Variants in SCUBE1 observed in about 807,000 individuals in gnomAD.
SCUBE1 encodes signal peptide, CUB and EGF-like domain-containing protein 1.
In SCUBE1, 59 loss-of-function variants were observed where a neutral mutation model predicts 124.4. That is an observed-to-expected ratio of 0.47 (90% CI 0.38 to 0.59). The LOEUF (loss-of-function observed/expected upper bound fraction) is 0.59, where lower values mean the gene tolerates loss of function less well. Among genes scored for constraint, SCUBE1 ranks in the 20% least tolerant of loss-of-function variants. The probability of loss-of-function intolerance (pLI) is 0.00; values close to 1 mark genes in which losing one functional copy is unlikely to be tolerated. For missense variants in SCUBE1, 1,150 were observed against 1,371.2 expected (o/e 0.84, Z 2.55); for synonymous variants, 545 against 550.9 (o/e 0.99, Z 0.15).
At chr22:43,339,296 T>C in intron 1 of SCUBE1, 61 bp from the exon 2 acceptor site, 1 of 1,557,282 alleles carries the variant, frequency 6.4e-7, no homozygotes, top group African/African-American at 1.4e-5. Context: ...AGGTGGCCGA[T>C]AGTGTAGGGC....
At position 43,343,138 on chromosome 22, in the gene SCUBE1, C is replaced by T. The variant is rs574217386; in HGVS notation, c.88+36G>A. 3.4e-5 allele frequency: 37 copies of T among 1,088,784 alleles called. No homozygotes were observed. The South Asian group carries it at 1.5e-3, about 45-fold the overall frequency. The allele number at this position is 1,088,784 out of a possible 1,614,324, so 67.4% of individuals were successfully genotyped here. A position where few individuals can be genotyped will look rare whatever the true frequency, so the allele number is the denominator to read the frequency against. On this transcript the variant is annotated intron_variant, in intron 1 of 21. Transcript: ENST00000360835. Reference sequence around the variant, plus strand: ...CCGCGCCTCGGCCGCCCGAGCCCCCCGCGCCCGCCGCCCCCCACCTCGGTC... The same window carrying T: ...CCGCGCCTCGGCCGCCCGAGCCCCCTGCGCCCGCCGCCCCCCACCTCGGTC...
chr22:43,340,572 A>T (rs768006476), intron 1 of SCUBE1, among the ~76,000 whole-genome samples: 2 of 151,804 alleles, frequency 1.3e-5, no homozygotes, highest in Non-Finnish European at 2.9e-5. Flanking sequence ...TGTCGGGCAC[A>T]GTTCAGCACA....
chr22:43,224,686 T>C (rs1922233954), intron 10 of SCUBE1, among the ~76,000 whole-genome samples: 1 of 152,144 alleles, frequency 6.6e-6, no homozygotes, highest in African/African-American at 2.4e-5. Context: ...GGAGGCCCCT[T>C]TGTTTTCTCC....
intron 1 of SCUBE1, among the ~76,000 whole-genome samples, chr22:43,342,260 A>AGGGTGGGG (rs1927343278): frequency 2.5e-4 from 1 of 3,984 alleles, no homozygotes; most frequent in Non-Finnish European, 7.3e-4. Flanking sequence ...ACCGGGTGGG[A>AGGGTGGGG]GGGTGGGGGG....
At chr22:43,288,813 G>A (rs1235610929) in intron 4 of SCUBE1, among the ~76,000 whole-genome samples, 1 of 152,210 alleles carries the variant, frequency 6.6e-6, no homozygotes, top group Non-Finnish European at 1.5e-5. Flanking sequence ...GGCAAAGGTG[G>A]AGTGAGCTTG....
chr22:43,216,222 T>A (rs1326269672), intron 15 of SCUBE1, among the ~76,000 whole-genome samples: 2 of 151,520 alleles, frequency 1.3e-5, no homozygotes, highest in African/African-American at 2.4e-5. Flanking sequence ...AATTTTTGTA[T>A]TTTTAGTAGA....
At chr22:43,218,815 C>G (rs756627165) in intron 14 of SCUBE1, among the ~76,000 whole-genome samples, 3 of 152,248 alleles carry the variant, frequency 2.0e-5, no homozygotes, top group Non-Finnish European at 2.9e-5. Flanking sequence ...GCTCTCTGGC[C>G]TTGAATCCAA....
At chr22:43,300,022 C>G (rs1000234796) in intron 3 of SCUBE1, among the ~76,000 whole-genome samples, 1 of 152,202 alleles carries the variant, frequency 6.6e-6, no homozygotes, top group South Asian at 2.1e-4. Flanking sequence ...TGTATCTCTT[C>G]GTGAGCTGAT....
At chr22:43,336,633 A>T (rs1428870356) in intron 2 of SCUBE1, among the ~76,000 whole-genome samples, 1 of 152,226 alleles carries the variant, frequency 6.6e-6, no homozygotes, top group African/African-American at 2.4e-5. Flanking sequence ...ATGAGCTCAC[A>T]GTTCTGTGGG....
chr22:43,306,922 C>G (rs1048865243), intron 3 of SCUBE1, among the ~76,000 whole-genome samples: 3 of 152,192 alleles, frequency 2.0e-5, no homozygotes, highest in Non-Finnish European at 4.4e-5. Context: ...ACTTTCCCAG[C>G]GCTTCTACCC....
intron 4 of SCUBE1, among the ~76,000 whole-genome samples, chr22:43,264,578 T>C (rs1227581403): frequency 6.6e-6 from 1 of 152,168 alleles, no homozygotes; most frequent in Non-Finnish European, 1.5e-5. Flanking sequence ...GTTTGGCCAG[T>C]GGGTGGTGGC....
chr22:43,260,731 C>T (rs1923840452), intron 5 of SCUBE1, among the ~76,000 whole-genome samples: 1 of 152,216 alleles, frequency 6.6e-6, no homozygotes, highest in African/African-American at 2.4e-5. Context: ...ATTCAGCCAC[C>T]CACGGAGAGG....
intron 4 of SCUBE1, among the ~76,000 whole-genome samples, chr22:43,285,457 G>A (rs1925101691): frequency 6.6e-6 from 1 of 152,198 alleles, no homozygotes; most frequent in South Asian, 2.1e-4. Context: ...CCCACAGGGA[G>A]CTCCCAAGCT....
At position 43,199,336 on chromosome 22, in the gene SCUBE1, G is replaced by C. The variant is rs1424944469; in HGVS notation, c.*4661C>G. 1 of 154,498 alleles carries C rather than the reference G, an allele frequency of 6.5e-6. No individual in the cohort carries two copies. 9.6% of individuals were successfully genotyped at this position (154,498 alleles called of 1,614,324 possible). On this transcript the variant is annotated 3_prime_UTR_variant, in exon 22 of 22. Coordinates refer to ENST00000360835, the MANE Select transcript of SCUBE1 (RefSeq NM_173050.5). ...TGCCGTGGACAAGCCCAGGGGACAG[G>C]CTTCACTGAGACGCTGCCTGCGGAT...
chr22:43,271,700 C>T (rs751049567), intron 4 of SCUBE1, among the ~76,000 whole-genome samples: 14 of 152,140 alleles, frequency 9.2e-5, no homozygotes, highest in African/African-American at 3.1e-4. Flanking sequence ...CAACAGCTGG[C>T]GGTCCCGGAC....
intron 10 of SCUBE1, among the ~76,000 whole-genome samples, chr22:43,224,692 T>C (rs772451324): frequency 3.9e-5 from 6 of 152,134 alleles, no homozygotes; most frequent in Non-Finnish European, 8.8e-5. Flanking sequence ...CCCTTTGTTT[T>C]CTCCATATTC....
intron 7 of SCUBE1, chr22:43,237,626 A>T (rs566911546): frequency 6.6e-6 from 1 of 152,346 alleles, no homozygotes; most frequent in East Asian, 1.9e-4. Context: ...AAGCACTGTT[A>T]TTTCTGTCAA....
Position 43,267,511 on chromosome 22 carries a change from T to C in SCUBE1, c.485-4666A>G, listed in dbSNP as rs371163710. On this transcript the variant is annotated intron_variant, in intron 4 of 21. Coordinates refer to ENST00000360835, the MANE Select transcript of SCUBE1 (RefSeq NM_173050.5). ...CCTGATGTGGGAAATTCGCAGCACA[T>C]GATAAAGGCTCTGAGAAGTCCTGCG... Among the ~76,000 whole-genome samples, 20 of 152,286 alleles carry C rather than the reference T, an allele frequency of 1.3e-4. No homozygotes were observed. In the East Asian group the frequency reaches 2.3e-3, roughly 18 times the overall value.
chr22:43,229,331 G>T, intron 8 of SCUBE1, 143 bp from the exon 9 acceptor site: 1 of 658,198 alleles, frequency 1.5e-6, no homozygotes, highest in Middle Eastern at 2.5e-4. Context: ...CGACCCACAG[G>T]AAATGGGAGA....
Sources: gnomAD v4.1 joint callset for allele counts (sites outside exome capture counted in the v4.1 genomes callset) on GRCh38, gnomAD v4.1.1 for gene constraint, MANE v1.5 for transcripts, NCBI Gene and HGNC (gene_info 2026-07-23, HGNC 2026-07-21) for gene names.